PPCDC: variants seen among roughly 807,000 people sequenced by gnomAD.
PPCDC encodes phosphopantothenoylcysteine decarboxylase.
PPCDC carries 20 observed loss-of-function variants against 20.7 expected under a neutral mutation model. That is an observed-to-expected ratio of 0.97 (90% CI 0.68 to 1.41). The LOEUF (loss-of-function observed/expected upper bound fraction) is 1.41, where lower values mean the gene tolerates loss of function less well. Among genes scored for constraint, PPCDC ranks in the 40% most tolerant of loss-of-function variants. The pLI is 0.00. For missense variants in PPCDC, 246 were observed against 263.8 expected, an observed-to-expected ratio of 0.93 and a Z score of 0.47; for synonymous variants, 88 against 100.3, an observed-to-expected ratio of 0.88 and a Z score of 0.73.
intron 1 of PPCDC, among the ~76,000 whole-genome samples, chr15:75,024,498 C>T (rs2065939205): frequency 6.6e-6 from 1 of 151,862 alleles, no homozygotes; most frequent in South Asian, 2.1e-4. Context: ...CAGGCATAAA[C>T]AACCATACCC....
At chr15:75,029,775 G>T (rs966897897) in intron 2 of PPCDC, among the ~76,000 whole-genome samples, 1 of 152,166 alleles carries the variant, frequency 6.6e-6, no homozygotes, top group Non-Finnish European at 1.5e-5. Flanking sequence ...AGGGTGGGAG[G>T]CCTCTGCCAC....
rs114192396 is a variant in PPCDC at position 75,039,430 on chromosome 15, G to A, written c.136-4011G>A. 1.9e-3 allele frequency among the ~76,000 whole-genome samples: 296 copies of A among 152,274 alleles called. 1 individual carries two copies. The highest frequency in any genetic ancestry group is 6.1e-3 in the African/African-American group (253 of 41,548). On this transcript the variant is annotated intron_variant, in intron 2 of 5. Coordinates refer to ENST00000342932, the MANE Select transcript of PPCDC (RefSeq NM_021823.5). ...CCAGGACTCCTTTGACCTCTGTTGTGCTAACTCTGCAAGGGTAGTATGTTT... is the reference window on the plus strand; with the variant it reads ...CCAGGACTCCTTTGACCTCTGTTGTACTAACTCTGCAAGGGTAGTATGTTT...
intron 2 of PPCDC, among the ~76,000 whole-genome samples, chr15:75,040,916 G>A (rs919451202): frequency 4.6e-5 from 7 of 151,946 alleles, no homozygotes; most frequent in African/African-American, 1.7e-4. Flanking sequence ...TGCCTGTCTC[G>A]GCCTTCCAAA....
rs368997991 is a variant in PPCDC at position 75,048,765 on chromosome 15, C to T, written c.529+44C>T. 27 of 1,598,514 alleles carry T rather than the reference C, an allele frequency of 1.7e-5. No homozygotes were observed. The African/African-American group carries it at 3.3e-4, about 20-fold the overall frequency. On this transcript the variant is annotated intron_variant, in intron 5 of 5. Coordinates refer to ENST00000342932, the MANE Select transcript of PPCDC (RefSeq NM_021823.5). The stretch of plus-strand genomic sequence containing the variant: ...TTATAGCCCAGGGCTGTAGAAGGGG[C>T]TCAGCTTTGGGGTCATATCTCAGTT...
chr15:75,044,310 G>A, intron 3 of PPCDC, 76 bp from the exon 4 acceptor site: 2 of 1,581,032 alleles, frequency 1.3e-6, no homozygotes, highest in African/African-American at 1.3e-5. Flanking sequence ...TCAGTCTCCT[G>A]ACTTACCGTA....
At position 75,048,615 on chromosome 15, in the gene PPCDC, C is replaced by G; in HGVS notation, c.423C>G (p.Thr141=). 2 of 1,614,244 alleles carry G rather than the reference C, an allele frequency of 1.2e-6. No homozygotes were observed. The highest frequency in any genetic ancestry group is 1.7e-6 in the Non-Finnish European group (2 of 1,180,042). The change falls in exon 5 of 6, where the codon ACC becomes ACG. Residue 141 remains threonine, a synonymous_variant. Coordinates refer to ENST00000342932, the MANE Select transcript of PPCDC (RefSeq NM_021823.5). ...TGCTCTTCTGCCCGGCCATGAACAC[C>G]GCCATGTGGGAGCACCCGATCACAG... ...KPLLFCPAMN[T]AMWEHPITAQ... is the part of the protein sequence containing the mutation.
At chr15:75,049,066 T>C (rs2066278785) in intron 5 of PPCDC, 84 bp from the exon 6 acceptor site, 1 of 1,298,270 alleles carries the variant, frequency 7.7e-7, no homozygotes, top group East Asian at 2.3e-5. Flanking sequence ...GGGCTCTGGG[T>C]GGAGCACTTG....
intron 2 of PPCDC, among the ~76,000 whole-genome samples, chr15:75,040,226 G>A (rs549374687): frequency 2.6e-5 from 4 of 152,246 alleles, no homozygotes; most frequent in Admixed American, 2.6e-4. Flanking sequence ...GGGACTATAG[G>A]TGTGTGCCAC....
intron 2 of PPCDC, among the ~76,000 whole-genome samples, chr15:75,031,791 T>G: frequency 6.6e-6 from 1 of 152,128 alleles, no homozygotes; most frequent in East Asian, 1.9e-4. Flanking sequence ...AAATATGAGA[T>G]TCCCAGAAGG....
intron 1 of PPCDC, among the ~76,000 whole-genome samples, chr15:75,025,157 T>TC (rs1186405387): frequency 1.3e-5 from 2 of 152,130 alleles, no homozygotes; most frequent in Non-Finnish European, 2.9e-5. Flanking sequence ...TGCTCAATCC[T>TC]CCCACCTTGC....
At chr15:75,038,582 A>G (rs2066112905) in intron 2 of PPCDC, among the ~76,000 whole-genome samples, 2 of 152,130 alleles carry the variant, frequency 1.3e-5, no homozygotes, top group African/African-American at 4.8e-5. Context: ...CAGCAGAGGG[A>G]TGTGGCCACC....
At chr15:75,046,827 TC>T (rs1199890364) in intron 4 of PPCDC, among the ~76,000 whole-genome samples, 2 of 152,268 alleles carry the variant, frequency 1.3e-5, no homozygotes, top group Non-Finnish European at 2.9e-5. Context: ...CAGGCCCGTG[TC>T]CCTCTGTCCT....
chr15:75,044,324 G>A, intron 3 of PPCDC, 62 bp from the exon 4 acceptor site: 2 of 1,595,914 alleles, frequency 1.3e-6, no homozygotes, highest in East Asian at 4.5e-5. Context: ...TACCGTACCT[G>A]GCCTGCCTTG....
At chr15:75,031,498 C>T (rs982949610) in intron 2 of PPCDC, among the ~76,000 whole-genome samples, 1 of 151,984 alleles carries the variant, frequency 6.6e-6, no homozygotes, top group African/African-American at 2.4e-5. Context: ...TCACTTGAGG[C>T]CAGTTCGAGA....
intron 2 of PPCDC, among the ~76,000 whole-genome samples, chr15:75,030,586 G>A (rs925700917): frequency 6.6e-6 from 1 of 152,160 alleles, no homozygotes; most frequent in Non-Finnish European, 1.5e-5. Flanking sequence ...CAGTGGTGGC[G>A]TCTATCCCTG....
intron 1 of PPCDC, 84 bp downstream of exon 1, chr15:75,023,710 G>A (rs1645215762): frequency 6.6e-6 from 1 of 152,392 alleles, no homozygotes; most frequent in African/African-American, 2.4e-5. Context: ...CGCGAGCGTG[G>A]GTCCACGGCT....
rs1322995119 is a variant in PPCDC, at chr15:75,028,106, T to A, written c.-72-141T>A. On this transcript the variant is annotated intron_variant, in intron 1 of 5. Transcript: ENST00000342932. ...GTGTGGGGAAGGTGTCTCACTTTCT[T>A]ATCAAACTGTGTGCTCCCTGAAGCC... The A allele has an allele frequency of 6.8e-6, 4 of 589,070 alleles. No homozygotes were observed. The East Asian group carries it at 1.2e-4, about 18-fold the overall frequency. 36.5% of individuals were successfully genotyped at this position (589,070 alleles called of 1,614,324 possible).
At chr15:75,024,650 C>A (rs1210128089) in intron 1 of PPCDC, among the ~76,000 whole-genome samples, 2 of 151,572 alleles carry the variant, frequency 1.3e-5, no homozygotes, top group Non-Finnish European at 2.9e-5. Context: ...CACCACATCA[C>A]CCTCCTGTAT....
At chr15:75,042,960 T>G (rs1443118351) in intron 2 of PPCDC, among the ~76,000 whole-genome samples, 1 of 152,254 alleles carries the variant, frequency 6.6e-6, no homozygotes, top group Admixed American at 6.5e-5. Flanking sequence ...GGGTCATGCA[T>G]GCACAGAGGA....
Sources: allele counts gnomAD v4.1 joint callset (sites outside exome capture counted in the v4.1 genomes callset), GRCh38; gene constraint gnomAD v4.1.1; transcripts MANE v1.5; gene names NCBI Gene and HGNC (gene_info 2026-07-23, HGNC 2026-07-21).